Variants in LAMA2 observed in about 807,000 individuals in gnomAD.
The protein encoded by LAMA2 is laminin subunit alpha 2.
In LAMA2, 269 loss-of-function variants were observed where a neutral mutation model predicts 364.8. The observed-to-expected ratio is 0.74, with a 90% CI of 0.67 to 0.82. LAMA2 has a LOEUF of 0.82. LAMA2 is among the 40% of genes least tolerant of loss of function. The probability of loss-of-function intolerance (pLI) is 0.00; values close to 1 mark genes in which losing one functional copy is unlikely to be tolerated. For synonymous variants in LAMA2, 1,379 were observed against 1,370.6 expected (o/e 1.01, Z -0.14); for missense variants, 3,807 against 3,873.2 (o/e 0.98, Z 0.45).
At position 128,967,682 on chromosome 6, in the gene LAMA2, A is replaced by G. The variant is rs190410372; in HGVS notation, c.113-82236A>G. The stretch of plus-strand genomic sequence containing the variant: ...ATGGGTTCCTAGGAGGAAAAGAATG[A>G]GTGGGACCAGTTTATACACCAAGCA... On this transcript the variant is annotated intron_variant, in intron 1 of 64. Transcript: ENST00000421865. Among the ~76,000 whole-genome samples, 651 of 152,288 alleles carry G rather than the reference A, an allele frequency of 4.3e-3. 6 individuals are homozygous for G. The highest frequency in any genetic ancestry group is 6.4e-3 in the Non-Finnish European group (434 of 68,018).
chr6:129,231,406 C>T lies in LAMA2; in HGVS notation c.1783-18706C>T, dbSNP rs193026991. On this transcript the variant is annotated intron_variant, in intron 12 of 64. Coordinates refer to ENST00000421865, the MANE Select transcript of LAMA2 (RefSeq NM_000426.4). ...ATTAAGTGTTCATGTGTATACCTGG[C>T]GCAGAGTTAATTGTTTTGCCTGCAT... is the stretch of plus-strand genomic sequence containing the variant. Among the ~76,000 whole-genome samples, 370 of 152,134 alleles carry T rather than the reference C, an allele frequency of 2.4e-3. 1 individual carries two copies. The highest frequency in any genetic ancestry group is 7.6e-3 in the African/African-American group (316 of 41,544).
chr6:129,171,784 C>T (rs1444066647), intron 9 of LAMA2, among the ~76,000 whole-genome samples: 1 of 113,090 alleles, frequency 8.8e-6, no homozygotes, highest in Non-Finnish European at 1.8e-5. Context: ...CAACTTGGTT[C>T]CATTCTCCCC....
intron 53 of LAMA2, among the ~76,000 whole-genome samples, chr6:129,476,228 A>G (rs1278846194): frequency 6.6e-6 from 1 of 152,198 alleles, no homozygotes; most frequent in Non-Finnish European, 1.5e-5. Context: ...AAGATAATAA[A>G]GCCGAACTGA....
At chr6:129,104,996 G>A (rs537519927) in intron 4 of LAMA2, among the ~76,000 whole-genome samples, 1 of 152,226 alleles carries the variant, frequency 6.6e-6, no homozygotes, top group Admixed American at 6.5e-5. Context: ...AATATGACTG[G>A]GTATGTCGTT....
chr6:129,475,127 T>C (rs778846841), intron 52 of LAMA2, among the ~76,000 whole-genome samples: 1 of 152,110 alleles, frequency 6.6e-6, no homozygotes, highest in Non-Finnish European at 1.5e-5. Context: ...GAACAAGTAC[T>C]TTAAATTCAT....
chr6:129,267,235 T>C lies in LAMA2; in HGVS notation c.2322+16T>C, dbSNP rs776991196. 7 of 1,507,474 alleles carry C rather than the reference T, an allele frequency of 4.6e-6. No individual in the cohort carries two copies. The South Asian group carries it at 7.9e-5, about 17-fold the overall frequency. The allele number at this position is 1,507,474 out of a possible 1,614,324, so 93.4% of individuals were successfully genotyped here. ...AGAATGCCTGGTAAGTGCTCTCTTC[T>C]TTGGGGATGCTGATTGACAAGGCTG... On this transcript the variant is annotated intron_variant, in intron 16 of 64. Transcript: ENST00000421865.
chr6:129,460,411 G>A, intron 49 of LAMA2, 87 bp downstream of exon 49: 1 of 1,324,182 alleles, frequency 7.6e-7, no homozygotes, highest in Non-Finnish European at 1.1e-6. Flanking sequence ...TTATCATGTG[G>A]ATGATGTGGA....
chr6:129,296,344 G>A, intron 20 of LAMA2, among the ~76,000 whole-genome samples: 1 of 151,206 alleles, frequency 6.6e-6, no homozygotes, highest in East Asian at 1.9e-4. Context: ...TTTTTATATA[G>A]GTGAATTTAA....
chr6:128,899,533 A>G (rs1019619134), intron 1 of LAMA2, among the ~76,000 whole-genome samples: 27 of 152,188 alleles, frequency 1.8e-4, no homozygotes, highest in African/African-American at 5.5e-4. Flanking sequence ...TAGGCACTCA[A>G]AAATTGGATG....
chr6:128,984,394 AG>A (rs1047644133), intron 1 of LAMA2, among the ~76,000 whole-genome samples: 11 of 152,094 alleles, frequency 7.2e-5, no homozygotes, highest in African/African-American at 2.7e-4. Flanking sequence ...TCTCTTCTTA[AG>A]GGCCCATTCG....
rs1400343150 is a variant in LAMA2, at chr6:129,514,632, C to A, written c.9211+37C>A. The stretch of plus-strand genomic sequence containing the variant: ...CTACCCCAGCAACAATTTCTTTGCT[C>A]TCTTATGTTACTGGTTTTGAAAACA... On this transcript the variant is annotated intron_variant, in intron 64 of 64. Transcript: ENST00000421865. The A allele has an allele frequency of 4.0e-6, 6 of 1,487,240 alleles. No homozygotes were observed. In the East Asian group the frequency reaches 6.8e-5, roughly 17 times the overall value. The allele number at this position is 1,487,240 out of a possible 1,614,324, so 92.1% of individuals were successfully genotyped here.
In LAMA2 at chr6:129,417,531, G is replaced by A. The variant is rs551095810; in HGVS notation, c.5866-10221G>A. Reference sequence around the variant, plus strand: ...AGTTCTCACTCCAGTTTGTGGAACCGACAGTCCAGCCCCCTTCCTTCAGGC... The same window carrying A: ...AGTTCTCACTCCAGTTTGTGGAACCAACAGTCCAGCCCCCTTCCTTCAGGC... On this transcript the variant is annotated intron_variant, in intron 40 of 64. Coordinates refer to ENST00000421865, the MANE Select transcript of LAMA2 (RefSeq NM_000426.4). 1.4e-4 allele frequency among the ~76,000 whole-genome samples: 22 copies of A among 152,216 alleles called. 1 individual carries two copies. Among genetic ancestry groups the A allele is most frequent in the Admixed American group, 1.0e-3 (16 of 15,304 alleles).
At chr6:128,945,023 G>A (rs4897284) in intron 1 of LAMA2, among the ~76,000 whole-genome samples, 131,280 of 152,146 alleles carry the variant, frequency 0.86, 56,775 homozygotes, top group South Asian at 0.92. Context: ...TGGAGAAAGA[G>A]TGGAGGTAGC....
At chr6:129,369,840 A>G (rs368096908) in intron 33 of LAMA2, 52 bp from the exon 34 acceptor site, 4 of 1,438,614 alleles carry the variant, frequency 2.8e-6, no homozygotes, top group East Asian at 2.3e-5. Context: ...GTCGAACACT[A>G]TCACTGCAAG....
intron 1 of LAMA2, among the ~76,000 whole-genome samples, chr6:128,910,916 C>T (rs1276479083): frequency 1.3e-5 from 2 of 151,418 alleles, no homozygotes; most frequent in Non-Finnish European, 2.9e-5. Context: ...TCAGTGTGCC[C>T]CTGCTGGGGG....
At chr6:128,933,845 T>C (rs1489629882) in intron 1 of LAMA2, among the ~76,000 whole-genome samples, 1 of 152,362 alleles carries the variant, frequency 6.6e-6, no homozygotes, top group Admixed American at 6.5e-5. Context: ...TATTAACTCC[T>C]GATCATATAT....
intron 18 of LAMA2, among the ~76,000 whole-genome samples, chr6:129,281,011 A>G (rs1051476581): frequency 1.3e-5 from 2 of 152,164 alleles, no homozygotes; most frequent in African/African-American, 2.4e-5. Context: ...CAGGATGCAT[A>G]AAATTAATGA....
chr6:128,969,808 T>A (rs939488727), intron 1 of LAMA2, among the ~76,000 whole-genome samples: 1 of 152,174 alleles, frequency 6.6e-6, no homozygotes, highest in African/African-American at 2.4e-5. Flanking sequence ...TTAAAACTAC[T>A]GTAAAAGTGA....
At chr6:129,034,322 G>A (rs1318045165) in intron 1 of LAMA2, among the ~76,000 whole-genome samples, 1 of 152,088 alleles carries the variant, frequency 6.6e-6, no homozygotes, top group Non-Finnish European at 1.5e-5. Context: ...ATTTTAACAA[G>A]TATTTGGAGG....
Sources: allele counts gnomAD v4.1 joint callset (sites outside exome capture counted in the v4.1 genomes callset), GRCh38; gene constraint gnomAD v4.1.1; transcripts MANE v1.5; gene names NCBI Gene and HGNC (gene_info 2026-07-23, HGNC 2026-07-21).